The following INTU variants were observed in gnomAD, a reference collection of about 807,000 sequenced individuals.
INTU encodes the protein inturned planar cell polarity protein.
In INTU, 68 loss-of-function variants were observed where a neutral mutation model predicts 100.5. The ratio of observed to expected loss-of-function variants is 0.68; its 90% confidence interval spans 0.56 to 0.83. INTU has a LOEUF of 0.83. Among genes scored for constraint, INTU ranks in the 40% least tolerant of loss-of-function variants. The pLI, the probability that INTU is intolerant of heterozygous loss-of-function variation, is 0.00. For missense variants in INTU, 1,071 were observed against 1,114.7 expected (o/e 0.96, Z 0.56); for synonymous variants, 357 against 395.7 (o/e 0.90, Z 1.16).
chr4:127,687,651 T>G, intron 7 of INTU, 27 bp from the exon 8 acceptor site: 1 of 1,579,848 alleles, frequency 6.3e-7, no homozygotes, highest in Middle Eastern at 1.7e-4. Context: ...CATATGTCGT[T>G]CTAACTTACA....
At chr4:127,694,355 A>G (rs1371524471) in intron 8 of INTU, among the ~76,000 whole-genome samples, 1 of 152,040 alleles carries the variant, frequency 6.6e-6, no homozygotes, top group Non-Finnish European at 1.5e-5. Flanking sequence ...GTTTATGCAC[A>G]TAAAGGTGTC....
chr4:127,646,451 G>C (rs150482853), intron 2 of INTU, among the ~76,000 whole-genome samples: 27 of 152,252 alleles, frequency 1.8e-4, no homozygotes, highest in African/African-American at 6.5e-4. Flanking sequence ...GGTGGTCTGT[G>C]TGCTTCCATC....
chr4:127,672,795 A>G (rs1396770808), intron 5 of INTU, among the ~76,000 whole-genome samples: 1 of 152,164 alleles, frequency 6.6e-6, no homozygotes, highest in Non-Finnish European at 1.5e-5. Flanking sequence ...TTATTTTATA[A>G]TTTATATTTT....
intron 15 of INTU, among the ~76,000 whole-genome samples, chr4:127,715,111 C>A (rs1224807068): frequency 6.6e-6 from 1 of 151,824 alleles, no homozygotes; most frequent in Non-Finnish European, 1.5e-5. Flanking sequence ...TATAGGAATT[C>A]TGAGGAGGGG....
rs368327598 is a variant in INTU, at chr4:127,655,447, T to G, written c.683-1189T>G. Among the ~76,000 whole-genome samples the G allele has an allele frequency of 2.8e-3, 410 of 146,270 alleles. 3 individuals are homozygous for G. The highest frequency in any genetic ancestry group is 0.017 in the Middle Eastern group (5 of 292). On this transcript the variant is annotated intron_variant, in intron 2 of 15. Transcript: ENST00000335251. Reference sequence around the variant, plus strand: ...TGTTAGTTTTCCTTCTAACAGACTGTACCCTCAGCTGCAGGTCTGTTGGAA... The same window carrying G: ...TGTTAGTTTTCCTTCTAACAGACTGGACCCTCAGCTGCAGGTCTGTTGGAA...
chr4:127,706,836 G>A lies in INTU; in HGVS notation c.2138G>A (p.Ser713Asn). 6.2e-7 allele frequency: 1 copy of A among 1,614,114 alleles called. No homozygotes were observed. The highest frequency in any genetic ancestry group is 8.5e-7 in the Non-Finnish European group (1 of 1,180,000). The part of the protein sequence containing the change: ...KTRKPSPSCS[S>N]GGSDNGCEGG... The stretch of plus-strand genomic sequence containing the variant: ...CGCAAGCCTAGTCCTTCCTGTAGTA[G>A]TGGAGGATCTGACAATGGTTGTGAA... The change falls in exon 12 of 16, where the codon AGT (serine) becomes AAT (asparagine). Residue 713 changes from serine (S) to asparagine (N), a missense_variant. Physicochemically the swap from Ser to Asn is conservative, Grantham distance 46. Coordinates refer to ENST00000335251, the MANE Select transcript of INTU (RefSeq NM_015693.4).
chr4:127,669,698 T>C (rs998332362), intron 5 of INTU, among the ~76,000 whole-genome samples: 1 of 151,874 alleles, frequency 6.6e-6, no homozygotes, highest in Non-Finnish European at 1.5e-5. Flanking sequence ...TCATAATCTG[T>C]GAATTTTCCT....
At chr4:127,706,992 A>T (rs376149191) in intron 12 of INTU, 23 bp downstream of exon 12, 14 of 1,585,776 alleles carry the variant, frequency 8.8e-6, no homozygotes, top group Non-Finnish European at 1.2e-5. Flanking sequence ...TCAAGTGTGT[A>T]TGTTCTGGGA....
At chr4:127,708,750 C>A in intron 13 of INTU, 82 bp downstream of exon 13, 1 of 671,824 alleles carries the variant, frequency 1.5e-6, no homozygotes, top group Admixed American at 2.9e-5. Context: ...ATGTATTTTA[C>A]TCAACAAATG....
Position 127,691,702 on chromosome 4 carries a change from G to C in INTU, c.1449+3835G>C, listed in dbSNP as rs529000297. ...TTTTGGTCCACCCATCACCCAAGGA[G>C]TATACACTGTACCTAATGTGTAGTC... On this transcript the variant is annotated intron_variant, in intron 8 of 15. Coordinates refer to ENST00000335251, the MANE Select transcript of INTU (RefSeq NM_015693.4). Among the ~76,000 whole-genome samples, 3 of 151,918 alleles carry C rather than the reference G, an allele frequency of 2.0e-5. No homozygotes were observed. The South Asian group carries it at 6.2e-4, about 32-fold the overall frequency.
chr4:127,655,052 G>A (rs1051098762), intron 2 of INTU, among the ~76,000 whole-genome samples: 5 of 151,940 alleles, frequency 3.3e-5, no homozygotes, highest in Admixed American at 6.6e-5. Flanking sequence ...CGTAGTTCTC[G>A]AGCCTTGGTT....
rs532361153 is a variant in INTU at position 127,674,020 on chromosome 4, T to A, written c.1092-104T>A. On this transcript the variant is annotated intron_variant, in intron 5 of 15. Transcript: ENST00000335251. The stretch of plus-strand genomic sequence containing the variant: ...ATGAAAAGAAATCACTTATTAAGTA[T>A]GTAGTTCTTAAATCATACCATATGC... The A allele has an allele frequency of 1.6e-5, 10 of 615,666 alleles. No individual in the cohort carries two copies. In the South Asian group the frequency reaches 3.6e-4, roughly 22 times the overall value. The allele number at this position is 615,666 out of a possible 1,614,324, so 38.1% of individuals were successfully genotyped here.
chr4:127,648,749 C>T (rs6847397), intron 2 of INTU, among the ~76,000 whole-genome samples: 63,833 of 151,788 alleles, frequency 0.42, 14,169 homozygotes, highest in South Asian at 0.62. Context: ...TTAATCACTA[C>T]AGCTATAAGT....
chr4:127,709,037 C>A (rs1194169025), intron 13 of INTU, among the ~76,000 whole-genome samples: 1 of 152,054 alleles, frequency 6.6e-6, no homozygotes, highest in African/African-American at 2.4e-5. Flanking sequence ...TATTCCTTTC[C>A]AACACTTGAG....
chr4:127,681,426 C>T (rs2126223796), intron 6 of INTU, among the ~76,000 whole-genome samples: 1 of 152,230 alleles, frequency 6.6e-6, no homozygotes, highest in Non-Finnish European at 1.5e-5. Flanking sequence ...TGGAACAGTA[C>T]AGAGCCCTCA....
At chr4:127,695,880 T>C (rs1390439583) in intron 8 of INTU, among the ~76,000 whole-genome samples, 1 of 152,180 alleles carries the variant, frequency 6.6e-6, no homozygotes, top group Non-Finnish European at 1.5e-5. Flanking sequence ...ATTCCTAGTA[T>C]ACTAAGAGTT....
rs2148729039 is a variant in INTU, at chr4:127,703,561, G to C, written c.1504-667G>C. 2.6e-5 allele frequency among the ~76,000 whole-genome samples: 4 copies of C among 152,212 alleles called. No homozygotes were observed. In the South Asian group the frequency reaches 8.3e-4, roughly 32 times the overall value. On this transcript the variant is annotated intron_variant, in intron 9 of 15. Transcript: ENST00000335251. The stretch of plus-strand genomic sequence containing the variant: ...TAACATATATTTTGTTCTGCAGCTT[G>C]CCTTCTTTGCTGAGCAGTGTATCCT...
At chr4:127,658,217 C>A (rs1728321361) in intron 3 of INTU, among the ~76,000 whole-genome samples, 1 of 152,216 alleles carries the variant, frequency 6.6e-6, no homozygotes, top group Non-Finnish European at 1.5e-5. Flanking sequence ...TGCACACACA[C>A]ACACAGATGC....
intron 5 of INTU, among the ~76,000 whole-genome samples, chr4:127,672,599 T>A (rs1187566736): frequency 6.6e-6 from 1 of 151,908 alleles, no homozygotes; most frequent in Non-Finnish European, 1.5e-5. Flanking sequence ...CTAGAAAAAC[T>A]TTTTTAAGAA....
Sources: gnomAD v4.1 joint callset for allele counts (sites outside exome capture counted in the v4.1 genomes callset) on GRCh38, gnomAD v4.1.1 for gene constraint, MANE v1.5 for transcripts, NCBI Gene and HGNC (gene_info 2026-07-23, HGNC 2026-07-21) for gene names.